Variants in GLI2 observed in about 807,000 individuals in gnomAD.
The protein encoded by GLI2 is GLI family zinc finger 2.
A neutral mutation model predicts 78.9 loss-of-function variants in GLI2; 22 were observed. That is an observed-to-expected ratio of 0.28 (90% CI 0.20 to 0.40). The LOEUF (loss-of-function observed/expected upper bound fraction) is 0.40, where lower values mean the gene tolerates loss of function less well. Ranked by LOEUF, GLI2 falls within the 10% of genes least tolerant of loss-of-function variation. The probability of loss-of-function intolerance (pLI) is 1.00; values close to 1 mark genes in which losing one functional copy is unlikely to be tolerated. For synonymous variants in GLI2, 974 were observed against 963.7 expected, an observed-to-expected ratio of 1.01 and a Z score of -0.20; for missense variants, 2,097 against 2,213.2, an observed-to-expected ratio of 0.95 and a Z score of 1.05.
At position 120,891,062 on chromosome 2, in the gene GLI2, A is replaced by C. The variant is rs141357647; in HGVS notation, c.149-36299A>C. On this transcript the variant is annotated intron_variant, in intron 2 of 13. Coordinates refer to ENST00000361492, the MANE Select transcript of GLI2 (RefSeq NM_001374353.1). ...GGGATTTCTTGAGGACCCACTGGGC[A>C]CCAGACGTGGAGCCCACAGAAATGA... 1.6e-4 allele frequency among the ~76,000 whole-genome samples: 25 copies of C among 152,344 alleles called. No individual in the cohort carries two copies. The East Asian group carries it at 4.6e-3, about 28-fold the overall frequency.
intron 3 of GLI2, among the ~76,000 whole-genome samples, chr2:120,943,326 A>C (rs539015378): frequency 6.6e-6 from 1 of 152,178 alleles, no homozygotes; most frequent in Admixed American, 6.5e-5. Context: ...AGGTGCAGAC[A>C]TCAAAGGGCA....
At chr2:120,859,842 C>T (rs535157064) in intron 2 of GLI2, among the ~76,000 whole-genome samples, 5 of 151,980 alleles carry the variant, frequency 3.3e-5, no homozygotes, top group South Asian at 2.1e-4. Context: ...CTGCAACCTC[C>T]GCCTCCTGGC....
chr2:120,775,389 C>T (rs964928840), intron 1 of GLI2, among the ~76,000 whole-genome samples: 7 of 152,224 alleles, frequency 4.6e-5, no homozygotes, highest in African/African-American at 1.7e-4. Flanking sequence ...CTCCCGGTGC[C>T]GTTCAGTGGT....
chr2:120,906,832 C>G (rs546638863), intron 2 of GLI2, among the ~76,000 whole-genome samples: 1 of 152,184 alleles, frequency 6.6e-6, no homozygotes, highest in Admixed American at 6.5e-5. Context: ...CCTGCATCCC[C>G]GCGTGGCAGA....
intron 10 of GLI2, 52 bp from the exon 11 acceptor site, chr2:120,982,664 T>G: frequency 6.4e-7 from 1 of 1,554,088 alleles, no homozygotes; most frequent in South Asian, 1.2e-5. Flanking sequence ...GCAGCCGGCC[T>G]CAAGGTTGGG....
chr2:120,923,799 A>C (rs1046234087), intron 2 of GLI2, among the ~76,000 whole-genome samples: 3 of 151,978 alleles, frequency 2.0e-5, no homozygotes, highest in Non-Finnish European at 4.4e-5. Flanking sequence ...TACATACCCC[A>C]CACACGCTAC....
intron 3 of GLI2, among the ~76,000 whole-genome samples, chr2:120,933,799 G>A (rs1327993136): frequency 6.6e-6 from 1 of 152,074 alleles, no homozygotes; most frequent in Non-Finnish European, 1.5e-5. Context: ...GGGGGCTGGG[G>A]TGGACCTTCA....
chr2:120,774,586 G>A (rs1253616135), intron 1 of GLI2, among the ~76,000 whole-genome samples: 1 of 152,136 alleles, frequency 6.6e-6, no homozygotes, highest in Admixed American at 6.5e-5. Flanking sequence ...CCGTGGCCTG[G>A]TCATCACCAG....
intron 1 of GLI2, among the ~76,000 whole-genome samples, chr2:120,738,813 A>G (rs1573542493): frequency 6.6e-6 from 1 of 152,230 alleles, no homozygotes. Flanking sequence ...TTCCTTCAGC[A>G]GAGACTTCCG....
intron 13 of GLI2, among the ~76,000 whole-genome samples, chr2:120,987,554 C>G (rs980469446): frequency 9.9e-5 from 15 of 152,212 alleles, no homozygotes; most frequent in Non-Finnish European, 2.9e-5. Context: ...GCTCACGTCT[C>G]CTCTGCCCAC....
Position 120,970,624 on chromosome 2 carries a change from C to T in GLI2, c.1059+18C>T, listed in dbSNP as rs753110716. Reference sequence around the variant, plus strand: ...CCAACCAGGTAGGTGGGTGCAGGGGCCAGGATGGCCACTGGGTACTCATCT... The same window carrying T: ...CCAACCAGGTAGGTGGGTGCAGGGGTCAGGATGGCCACTGGGTACTCATCT... On this transcript the variant is annotated intron_variant, in intron 7 of 13. Transcript: ENST00000361492. 1.3e-6 allele frequency: 2 copies of T among 1,592,754 alleles called. No homozygotes were observed. The highest frequency in any genetic ancestry group is 1.1e-5 in the South Asian group (1 of 90,568).
intron 3 of GLI2, among the ~76,000 whole-genome samples, chr2:120,934,738 G>A (rs886425585): frequency 4.6e-5 from 7 of 152,146 alleles, no homozygotes; most frequent in South Asian, 2.1e-4. Flanking sequence ...CTTGGTCCCC[G>A]AGACTGCATG....
intron 2 of GLI2, among the ~76,000 whole-genome samples, chr2:120,830,568 C>A (rs565093840): frequency 6.6e-6 from 1 of 152,348 alleles, no homozygotes; most frequent in East Asian, 1.9e-4. Context: ...AATGTGTTCC[C>A]CAAACAGCAG....
At chr2:120,972,113 TG>T in intron 8 of GLI2, 50 bp downstream of exon 8, 1 of 1,603,056 alleles carries the variant, frequency 6.2e-7, no homozygotes, top group Non-Finnish European at 8.5e-7. Flanking sequence ...ACCAGGCTTG[TG>T]GGCTGCCTTG....
At chr2:120,870,445 C>T (rs1014747065) in intron 2 of GLI2, among the ~76,000 whole-genome samples, 3 of 152,110 alleles carry the variant, frequency 2.0e-5, no homozygotes, top group South Asian at 2.1e-4. Context: ...GTGGTGTCAA[C>T]GCCCTCATTT....
At chr2:120,857,471 A>G (rs1413865691) in intron 2 of GLI2, among the ~76,000 whole-genome samples, 3 of 92,028 alleles carry the variant, frequency 3.3e-5, no homozygotes, top group African/African-American at 1.3e-4. Flanking sequence ...CTACCTACCC[A>G]TCTTCCCACC....
At chr2:120,895,282 G>C (rs932359457) in intron 2 of GLI2, among the ~76,000 whole-genome samples, 1 of 152,250 alleles carries the variant, frequency 6.6e-6, no homozygotes, top group Non-Finnish European at 1.5e-5. Flanking sequence ...GTATGGAGCA[G>C]AAAAGTTTTG....
chr2:120,953,693 A>G (rs922235379), intron 4 of GLI2, among the ~76,000 whole-genome samples: 8 of 152,166 alleles, frequency 5.3e-5, no homozygotes, highest in Non-Finnish European at 1.2e-4. Context: ...AGTGTAGCCC[A>G]TGAAGAGCTG....
rs556579147 is a variant in GLI2, at chr2:120,800,971, G to A, written c.148+3503G>A. Among the ~76,000 whole-genome samples the A allele has an allele frequency of 1.2e-4, 18 of 152,290 alleles. No individual in the cohort carries two copies. Among genetic ancestry groups the A allele is most frequent in the South Asian group, 6.2e-4 (3 of 4,824 alleles). On this transcript the variant is annotated intron_variant, in intron 2 of 13. Transcript: ENST00000361492. This position sits in a 1 kb window ranked among gnomAD's most constrained non-coding sequence, Gnocchi z 4.1. ...TTTCCTGGCATCTGTAAGGTATCCA[G>A]ATGTGGGGGCACCCTGCATTCCCCG...
Sources: gnomAD v4.1 joint callset for allele counts (sites outside exome capture counted in the v4.1 genomes callset) on GRCh38, gnomAD v4.1.1 for gene constraint, Gnocchi (gnomAD v3.1) non-coding constraint, MANE v1.5 for transcripts, NCBI Gene and HGNC (gene_info 2026-07-23, HGNC 2026-07-21) for gene names.